The following RNF144A variants were observed in gnomAD, a reference collection of about 807,000 sequenced individuals.
RNF144A encodes the protein E3 ubiquitin-protein ligase RNF144A.
A neutral mutation model predicts 38.7 loss-of-function variants in RNF144A; 11 were observed. That is an observed-to-expected ratio of 0.28 (90% confidence interval 0.18 to 0.47). The LOEUF (loss-of-function observed/expected upper bound fraction) is 0.47, where lower values mean the gene tolerates loss of function less well. RNF144A is among the 20% of genes least tolerant of loss of function. The probability of loss-of-function intolerance (pLI) is 0.99; values close to 1 mark genes in which losing one functional copy is unlikely to be tolerated. For missense variants in RNF144A, 316 were observed against 377.2 expected, an observed-to-expected ratio of 0.84 and a Z score of 1.34; for synonymous variants, 149 against 143.9, an observed-to-expected ratio of 1.04 and a Z score of -0.25.
chr2:7,054,360 A>G (rs1280445554), intron 6 of RNF144A, among the ~76,000 whole-genome samples: 1 of 152,202 alleles, frequency 6.6e-6, no homozygotes, highest in Non-Finnish European at 1.5e-5. Context: ...GTACATATAC[A>G]CAGAGATATA....
intron 3 of RNF144A, among the ~76,000 whole-genome samples, chr2:6,997,839 A>G (rs1157622491): frequency 1.3e-5 from 2 of 152,218 alleles, no homozygotes; most frequent in African/African-American, 4.8e-5. Flanking sequence ...GCAGTTATAC[A>G]GGTTGAATAA....
chr2:6,999,325 C>T (rs1272579199), intron 3 of RNF144A, among the ~76,000 whole-genome samples: 2 of 152,142 alleles, frequency 1.3e-5, no homozygotes, highest in African/African-American at 4.8e-5. Context: ...GTCGGGGTGC[C>T]CTGGTCGCTT....
In RNF144A at chr2:6,955,142, G is replaced by A. The variant is rs137912198; in HGVS notation, c.-12+13995G>A. 3.1e-3 allele frequency among the ~76,000 whole-genome samples: 465 copies of A among 152,160 alleles called. 1 individual carries two copies. Among genetic ancestry groups the A allele is most frequent in the African/African-American group, 0.011 (446 of 41,520 alleles). On this transcript the variant is annotated intron_variant, in intron 2 of 8. Transcript: ENST00000320892. Reference sequence around the variant, plus strand: ...TTTTCTTTTGATTGTTTTACTCTAAGGCAACACTGTTGTGTGCAAATATGA... The same window carrying A: ...TTTTCTTTTGATTGTTTTACTCTAAAGCAACACTGTTGTGTGCAAATATGA...
chr2:6,968,256 G>A (rs981287509), intron 2 of RNF144A, among the ~76,000 whole-genome samples: 2 of 152,222 alleles, frequency 1.3e-5, no homozygotes, highest in Non-Finnish European at 2.9e-5. Flanking sequence ...CTGGTGTTCC[G>A]TATTTGCATT....
intron 5 of RNF144A, among the ~76,000 whole-genome samples, chr2:7,017,117 G>C (rs1327399729): frequency 6.6e-6 from 1 of 152,132 alleles, no homozygotes; most frequent in Non-Finnish European, 1.5e-5. Flanking sequence ...CCTCTCTCAT[G>C]CTACACTCGA....
At chr2:6,959,739 C>T (rs533796180) in intron 2 of RNF144A, among the ~76,000 whole-genome samples, 5 of 152,230 alleles carry the variant, frequency 3.3e-5, no homozygotes, top group South Asian at 2.1e-4. Context: ...TGGATTAATC[C>T]GGTCATGAGG....
chr2:7,011,434 A>C (rs926253879), intron 3 of RNF144A, among the ~76,000 whole-genome samples: 18 of 152,162 alleles, frequency 1.2e-4, no homozygotes, highest in Admixed American at 4.6e-4. Flanking sequence ...ATAAAACCTC[A>C]CCAGCCTTGG....
At chr2:6,942,344 T>C (rs1044465886) in intron 2 of RNF144A, among the ~76,000 whole-genome samples, 16 of 143,024 alleles carry the variant, frequency 1.1e-4, no homozygotes, top group African/African-American at 4.3e-4. Flanking sequence ...AGGACAAGGG[T>C]GTAAAATCCA....
chr2:7,023,003 A>G (rs1163124624), intron 6 of RNF144A, among the ~76,000 whole-genome samples: 1 of 152,132 alleles, frequency 6.6e-6, no homozygotes, highest in African/African-American at 2.4e-5. Context: ...TATGTGCTGG[A>G]TTTTGTGCTT....
chr2:6,942,045 T>C (rs1297193957), intron 2 of RNF144A, among the ~76,000 whole-genome samples: 1 of 152,250 alleles, frequency 6.6e-6, no homozygotes, highest in Non-Finnish European at 1.5e-5. Flanking sequence ...TACTCTGGCC[T>C]CTACATTGAG....
At chr2:7,021,179 A>G (rs964322408) in intron 6 of RNF144A, among the ~76,000 whole-genome samples, 1 of 152,158 alleles carries the variant, frequency 6.6e-6, no homozygotes, top group East Asian at 1.9e-4. Context: ...ATGCTGCCGC[A>G]CCACGCTCTG....
intron 7 of RNF144A, among the ~76,000 whole-genome samples, chr2:7,029,006 C>G (rs78888184): frequency 1.6e-3 from 246 of 152,292 alleles, no homozygotes; most frequent in Non-Finnish European, 2.8e-3. Flanking sequence ...GTCCTCCCCA[C>G]AAGGAGAGGA....
At position 7,043,686 on chromosome 2, in the gene RNF144A, T is replaced by A. The variant is rs1187050514; in HGVS notation, c.*3926T>A. On this transcript the variant is annotated 3_prime_UTR_variant, in exon 9 of 9. Coordinates refer to ENST00000320892, the MANE Select transcript of RNF144A (RefSeq NM_014746.6). Reference sequence around the variant, plus strand: ...AACCTAATTGCTAATGCTTCACAACTAGGAGAGCATGCCGTCTTGATGTTT... The same window carrying A: ...AACCTAATTGCTAATGCTTCACAACAAGGAGAGCATGCCGTCTTGATGTTT... 1.0e-6 allele frequency: 1 copy of A among 985,742 alleles called. No individual in the cohort carries two copies. 61.1% of individuals were successfully genotyped at this position (985,742 alleles called of 1,614,324 possible). A position where few individuals can be genotyped will look rare whatever the true frequency, so the allele number is the denominator to read the frequency against.
At chr2:6,988,314 A>G (rs73914449) in intron 2 of RNF144A, among the ~76,000 whole-genome samples, 444 of 152,080 alleles carry the variant, frequency 2.9e-3, no homozygotes, top group African/African-American at 0.01. Flanking sequence ...CAACTCAGGA[A>G]CCCTCTTCAT....
At chr2:7,030,646 G>A (rs1348215007) in intron 8 of RNF144A, among the ~76,000 whole-genome samples, 2 of 152,088 alleles carry the variant, frequency 1.3e-5, no homozygotes, top group African/African-American at 4.8e-5. Context: ...GAAAAATTCC[G>A]AGGTCAGTGG....
At chr2:7,031,151 T>C (rs1293515097) in intron 8 of RNF144A, among the ~76,000 whole-genome samples, 1 of 152,116 alleles carries the variant, frequency 6.6e-6, no homozygotes, top group Admixed American at 6.5e-5. Context: ...TACAGACCGC[T>C]ACCCGTCCAT....
chr2:7,075,337 A>C, the RNF144A span, among the ~76,000 whole-genome samples: 1 of 149,448 alleles, frequency 6.7e-6, no homozygotes, highest in African/African-American at 2.5e-5. Flanking sequence ...TCCTCCCAGC[A>C]TGATGGGCTC....
chr2:7,024,640 C>A, intron 7 of RNF144A, 124 bp downstream of exon 7: 1 of 1,092,114 alleles, frequency 9.2e-7, no homozygotes, highest in Non-Finnish European at 1.3e-6. Context: ...AGTGAAGCAA[C>A]ACCGTTTGGT....
At position 7,020,560 on chromosome 2, in the gene RNF144A, C is replaced by G. The variant is rs145045322; in HGVS notation, c.389C>G (p.Pro130Arg). 24 of 1,613,304 alleles carry G rather than the reference C, an allele frequency of 1.5e-5. No individual in the cohort carries two copies. The highest frequency in any genetic ancestry group is 1.8e-5 in the Non-Finnish European group (21 of 1,180,024). Residue 130 changes from proline (P) to arginine (R), a missense_variant, in exon 6 of 9, where the codon CCC becomes CGC. Pro to Arg is a moderately radical substitution (Grantham distance 103). Transcript: ENST00000320892. ...CTCCAGGACGTGGGGCTGCAGACCC[C>G]CCAGCCAGTGCAGTGCAAAGCCTGC... ...CQLQDVGLQT[P>R]QPVQCKACRM... is the part of the protein sequence containing the mutation.
Sources: gnomAD v4.1 joint callset for allele counts (sites outside exome capture counted in the v4.1 genomes callset) on GRCh38, gnomAD v4.1.1 for gene constraint, MANE v1.5 for transcripts, NCBI Gene and HGNC (gene_info 2026-07-23, HGNC 2026-07-21) for gene names.